Variants in MAD1L1 observed in about 807,000 individuals in gnomAD.
The protein encoded by MAD1L1 is mitotic arrest deficient 1 like 1.
Under a neutral mutation model 96.9 loss-of-function variants are expected in MAD1L1, and 95 were observed. The ratio of observed to expected loss-of-function variants is 0.98; its 90% CI spans 0.83 to 1.16. The LOEUF (loss-of-function observed/expected upper bound fraction) is 1.16. MAD1L1 is among the 50% of genes most tolerant of loss of function. MAD1L1 has a pLI of 0.00. For missense variants in MAD1L1, 1,007 were observed against 954.4 expected (o/e 1.06, Z -0.73); for synonymous variants, 473 against 396.6 (o/e 1.19, Z -2.29).
chr7:2,217,759 G>A (rs1253950671), intron 7 of MAD1L1, among the ~76,000 whole-genome samples: 1 of 152,190 alleles, frequency 6.6e-6, no homozygotes, highest in Non-Finnish European at 1.5e-5. Flanking sequence ...CCCTCCTCTA[G>A]AATACACGCT....
intron 16 of MAD1L1, among the ~76,000 whole-genome samples, chr7:1,946,322 T>C (rs922099827): frequency 3.3e-5 from 5 of 152,178 alleles, no homozygotes; most frequent in Admixed American, 1.3e-4. Context: ...CGCTGAGCAC[T>C]GTGTGTGCCA....
chr7:2,029,668 G>C (rs533222887), intron 12 of MAD1L1, among the ~76,000 whole-genome samples: 1 of 152,240 alleles, frequency 6.6e-6, no homozygotes, highest in East Asian at 1.9e-4. Context: ...CACTCAGATG[G>C]AACCGTGAGC....
chr7:2,027,843 C>A (rs1355870056), intron 12 of MAD1L1, among the ~76,000 whole-genome samples: 1 of 152,306 alleles, frequency 6.6e-6, no homozygotes, highest in Non-Finnish European at 1.5e-5. Flanking sequence ...CAAAGCAGCA[C>A]TGGCTATGCT....
chr7:1,972,945 T>C (rs1465692637), intron 15 of MAD1L1, among the ~76,000 whole-genome samples: 2 of 152,234 alleles, frequency 1.3e-5, no homozygotes, highest in African/African-American at 2.4e-5. Flanking sequence ...AATCTCCTAA[T>C]GCTTAGAGAC....
At position 2,142,700 on chromosome 7, in the gene MAD1L1, C is replaced by A. The variant is rs961544111; in HGVS notation, c.1073+6452G>T. 1.3e-5 allele frequency among the ~76,000 whole-genome samples: 2 copies of A among 152,224 alleles called. No individual in the cohort carries two copies. Among genetic ancestry groups the A allele is most frequent in the Admixed American group, 1.3e-4 (2 of 15,290 alleles). On this transcript the variant is annotated intron_variant, in intron 11 of 18. Coordinates refer to ENST00000265854, the MANE Select transcript of MAD1L1 (RefSeq NM_001013836.2). The surrounding 1 kb of genome is among the most constrained non-coding windows in gnomAD (Gnocchi z 4.7). ...ACCTTCTGCCAAAGACCATTTACAT[C>A]GAGTGGCGCCAAAGCCGAACGGACG...
intron 15 of MAD1L1, among the ~76,000 whole-genome samples, chr7:1,966,454 C>T (rs185160342): frequency 2.7e-5 from 4 of 150,600 alleles, no homozygotes; most frequent in South Asian, 4.2e-4. Context: ...CGAGTGTGCA[C>T]GCTCTCACAG....
At chr7:2,097,555 G>A (rs189183711) in intron 11 of MAD1L1, among the ~76,000 whole-genome samples, 1 of 152,348 alleles carries the variant, frequency 6.6e-6, no homozygotes, top group Non-Finnish European at 1.5e-5. Flanking sequence ...GAGCCAGGCA[G>A]TGAATGAGAA....
intron 18 of MAD1L1, among the ~76,000 whole-genome samples, chr7:1,882,647 G>A (rs780511291): frequency 1.3e-5 from 2 of 152,210 alleles, no homozygotes; most frequent in African/African-American, 2.4e-5. Context: ...GAGCACCTCT[G>A]AGGATGCCAC....
At chr7:1,856,645 G>A (rs942134100) in intron 18 of MAD1L1, among the ~76,000 whole-genome samples, 5 of 152,092 alleles carry the variant, frequency 3.3e-5, no homozygotes, top group African/African-American at 4.8e-5. Context: ...AGCTGCTCGC[G>A]GCTCCTCCAC....
chr7:2,127,694 C>A (rs1788298931), intron 11 of MAD1L1, among the ~76,000 whole-genome samples: 1 of 152,126 alleles, frequency 6.6e-6, no homozygotes, highest in African/African-American at 2.4e-5. Context: ...AGAGGAGGAA[C>A]CCGCAGGAAC....
intron 18 of MAD1L1, among the ~76,000 whole-genome samples, chr7:1,897,349 G>C (rs557764465): frequency 6.6e-6 from 1 of 152,190 alleles, no homozygotes; most frequent in Non-Finnish European, 1.5e-5. Flanking sequence ...GGTGGGGCCC[G>C]TCTCTGCCTG....
chr7:2,058,952 G>A (rs1438698532), intron 12 of MAD1L1, among the ~76,000 whole-genome samples: 10 of 102,044 alleles, frequency 9.8e-5, no homozygotes, highest in Admixed American at 2.8e-4. Context: ...GAGGAGAGGC[G>A]CGGGGCTAGA....
chr7:2,050,358 G>A (rs1222612161), intron 12 of MAD1L1, among the ~76,000 whole-genome samples: 5 of 152,252 alleles, frequency 3.3e-5, no homozygotes, highest in Non-Finnish European at 7.3e-5. Flanking sequence ...GAATCCCCTA[G>A]CCAGTGCCTC....
intron 18 of MAD1L1, among the ~76,000 whole-genome samples, chr7:1,889,067 C>T (rs1356568929): frequency 2.6e-5 from 4 of 152,214 alleles, no homozygotes; most frequent in African/African-American, 9.7e-5. Flanking sequence ...GTGCCTGGCA[C>T]TTGCATACAT....
chr7:1,912,169 G>A (rs901082198), intron 17 of MAD1L1, among the ~76,000 whole-genome samples: 4 of 152,208 alleles, frequency 2.6e-5, no homozygotes, highest in African/African-American at 7.2e-5. Flanking sequence ...GGGGCCCTGC[G>A]TGCGGGTACA....
At chr7:1,916,550 C>T (rs1002648365) in intron 17 of MAD1L1, among the ~76,000 whole-genome samples, 3 of 152,304 alleles carry the variant, frequency 2.0e-5, no homozygotes, top group South Asian at 2.1e-4. Context: ...CGGGGACACA[C>T]GCCCAGCAGA....
intron 11 of MAD1L1, among the ~76,000 whole-genome samples, chr7:2,099,710 C>G (rs1003689363): frequency 1.3e-5 from 2 of 152,200 alleles, no homozygotes; most frequent in Admixed American, 6.5e-5. Context: ...TACTCCTACC[C>G]GAGACCCAGG....
intron 17 of MAD1L1, among the ~76,000 whole-genome samples, chr7:1,935,224 C>T (rs1288782679): frequency 6.6e-6 from 1 of 152,270 alleles, no homozygotes; most frequent in African/African-American, 2.4e-5. Context: ...ATAACACCTG[C>T]AGAATGCAGG....
chr7:2,169,060 G>T (rs369962316), intron 10 of MAD1L1, among the ~76,000 whole-genome samples: 1 of 152,206 alleles, frequency 6.6e-6, no homozygotes, highest in Admixed American at 6.5e-5. Flanking sequence ...GCGCTGTTCA[G>T]AACAGGAAGA....
Sources: gnomAD v4.1 joint callset for allele counts (sites outside exome capture counted in the v4.1 genomes callset) on GRCh38, gnomAD v4.1.1 for gene constraint, Gnocchi (gnomAD v3.1) non-coding constraint, MANE v1.5 for transcripts, NCBI Gene and HGNC (gene_info 2026-07-23, HGNC 2026-07-21) for gene names.